The following CCNG2 variants were observed in gnomAD, a reference collection of about 807,000 sequenced individuals.
CCNG2 encodes cyclin-G2.
Under a neutral mutation model 36.5 loss-of-function variants are expected in CCNG2, and 20 were observed. That is an observed-to-expected ratio of 0.55 (90% CI 0.39 to 0.80). The LOEUF is 0.80. CCNG2 is among the 30% of genes least tolerant of loss of function. The probability of loss-of-function intolerance (pLI) is 0.00; values close to 1 mark genes in which losing one functional copy is unlikely to be tolerated. For synonymous variants in CCNG2, 155 were observed against 140.1 expected (o/e 1.11, Z -0.75); for missense variants, 358 against 390.8 (o/e 0.92, Z 0.71).
chr4:77,161,096 A>AC, intron 4 of CCNG2, 125 bp downstream of exon 4: 3 of 533,176 alleles, frequency 5.6e-6, no homozygotes, highest in Non-Finnish European at 5.9e-6. Context: ...TTTATTGGTA[A>AC]ATCTTTTTTT....
Position 77,168,800 on chromosome 4 carries a change from CTG to C in CCNG2, c.*2879_*2880del, listed in dbSNP as rs1310085657. 5 of 152,218 alleles carry C rather than the reference CTG, an allele frequency of 3.3e-5. No individual in the cohort carries two copies. Among genetic ancestry groups the C allele is most frequent in the Admixed American group, 6.5e-5 (1 of 15,284 alleles). The allele number at this position is 152,218 out of a possible 1,614,324, so 9.4% of individuals were successfully genotyped here. A position where few individuals can be genotyped will look rare whatever the true frequency, so the allele number is the denominator to read the frequency against. On this transcript the variant is annotated 3_prime_UTR_variant, in exon 8 of 8. Transcript: ENST00000316355. Reference sequence around the variant, plus strand: ...ATTCAACCAGGTGGCTTTCCCATGACTGTGATGAATAAAATTGAGAAGCCCCT... The same window carrying C: ...ATTCAACCAGGTGGCTTTCCCATGACTGATGAATAAAATTGAGAAGCCCCT...
At position 77,168,054 on chromosome 4, in the gene CCNG2, G is replaced by A. The variant is rs777230283; in HGVS notation, c.*2130G>A. The A allele has an allele frequency of 1.3e-5, 2 of 152,040 alleles. No individual in the cohort carries two copies. Among genetic ancestry groups the A allele is most frequent in the African/African-American group, 4.8e-5 (2 of 41,354 alleles). 9.4% of individuals were successfully genotyped at this position (152,040 alleles called of 1,614,324 possible). A position where few individuals can be genotyped will look rare whatever the true frequency, so the allele number is the denominator to read the frequency against. ...CCTGTGGTTTTCAGTGTATTTAGTC[G>A]AGACCTCTCTGCTGAGCTTGCAACC... On this transcript the variant is annotated 3_prime_UTR_variant, in exon 8 of 8. Transcript: ENST00000316355.
In CCNG2 at chr4:77,158,518, G is replaced by A. The variant is rs765416218; in HGVS notation, c.1-15G>A. On this transcript the variant is annotated splice_polypyrimidine_tract_variant and intron_variant, in intron 1 of 7. Transcript: ENST00000316355. Reference sequence around the variant, plus strand: ...ACCCCCAGATTACATTCTCTGTGTGGTGTCTTTACTGCAGATGAAGGATTT... The same window carrying A: ...ACCCCCAGATTACATTCTCTGTGTGATGTCTTTACTGCAGATGAAGGATTT... 1 of 1,614,058 alleles carries A rather than the reference G, an allele frequency of 6.2e-7. No homozygotes were observed. Among genetic ancestry groups the A allele is most frequent in the Non-Finnish European group, 8.5e-7 (1 of 1,179,940 alleles).
chr4:77,158,477 C>T, intron 1 of CCNG2, 56 bp from the exon 2 acceptor site: 1 of 1,595,182 alleles, frequency 6.3e-7, no homozygotes, highest in Non-Finnish European at 8.6e-7. Context: ...CTTTCTCCCG[C>T]TTCCCCACCC....
In CCNG2 at chr4:77,169,975, A is replaced by AT. The variant is rs1446937983; in HGVS notation, c.*4052dup. ...TTACAGGTGATGTTTTTTTTAAGTTATGCCTATCTGTAGTTTCCTTTTTTT... is the reference window on the plus strand; with the variant it reads ...TTACAGGTGATGTTTTTTTTAAGTTATTGCCTATCTGTAGTTTCCTTTTTTT... On this transcript the variant is annotated 3_prime_UTR_variant, in exon 8 of 8. Coordinates refer to ENST00000316355, the MANE Select transcript of CCNG2 (RefSeq NM_004354.3). 1 of 152,154 alleles carries AT rather than the reference A, an allele frequency of 6.6e-6. No individual in the cohort carries two copies. Among genetic ancestry groups the AT allele is most frequent in the Admixed American group, 6.5e-5 (1 of 15,274 alleles). The allele number at this position is 152,154 out of a possible 1,614,324, so 9.4% of individuals were successfully genotyped here. A position where few individuals can be genotyped will look rare whatever the true frequency, so the allele number is the denominator to read the frequency against.
At position 77,163,434 on chromosome 4, in the gene CCNG2, T is replaced by G. The variant is rs1306958768; in HGVS notation, c.706-840T>G. The stretch of plus-strand genomic sequence containing the variant: ...GAGAAGGAAGTGGTAGAAACCAGAT[T>G]ACAAGTGGGTTAGGATGTAGCTACA... On this transcript the variant is annotated intron_variant, in intron 6 of 7. Transcript: ENST00000316355. Among the ~76,000 whole-genome samples the G allele has an allele frequency of 2.6e-5, 4 of 152,298 alleles. No homozygotes were observed. The East Asian group carries it at 7.7e-4, about 29-fold the overall frequency.
rs1279887768 is a variant in CCNG2, at chr4:77,165,697, A to G, written c.912-104A>G. 2.3e-5 allele frequency: 22 copies of G among 949,146 alleles called. 1 individual carries two copies. Among genetic ancestry groups the G allele is most frequent in the Non-Finnish European group, 2.5e-5 (17 of 675,622 alleles). 58.8% of individuals were successfully genotyped at this position (949,146 alleles called of 1,614,324 possible). A position where few individuals can be genotyped will look rare whatever the true frequency, so the allele number is the denominator to read the frequency against. ...TCTCTGTAAAGCATAAATTTTGAAT[A>G]TAAAAATCCTCACTAGAGATATAGC... is the stretch of plus-strand genomic sequence containing the variant. On this transcript the variant is annotated intron_variant, in intron 7 of 7. Coordinates refer to ENST00000316355, the MANE Select transcript of CCNG2 (RefSeq NM_004354.3).
At chr4:77,159,757 A>G (rs531480363) in intron 3 of CCNG2, among the ~76,000 whole-genome samples, 1 of 152,228 alleles carries the variant, frequency 6.6e-6, no homozygotes, top group African/African-American at 2.4e-5. Flanking sequence ...AAGAGAGACT[A>G]CTATTTTTTA....
chr4:77,158,723 G>T, intron 2 of CCNG2, 53 bp downstream of exon 2: 1 of 1,596,890 alleles, frequency 6.3e-7, no homozygotes, highest in Non-Finnish European at 8.6e-7. Context: ...GCTTGGAGGA[G>T]GTAACCCCCC....
intron 6 of CCNG2, 29 bp from the exon 7 acceptor site, chr4:77,164,245 C>A: frequency 1.3e-6 from 2 of 1,559,838 alleles, no homozygotes; most frequent in South Asian, 2.2e-5. Context: ...GAGACATTGC[C>A]GTAACCTCTT....
rs563944268 is a variant in CCNG2, at chr4:77,166,003, G to GC, written c.*84dup. 261 of 1,375,558 alleles carry GC rather than the reference G, an allele frequency of 1.9e-4. 1 individual carries two copies. The highest frequency in any genetic ancestry group is 1.4e-3 in the African/African-American group (94 of 68,924). 85.2% of individuals were successfully genotyped at this position (1,375,558 alleles called of 1,614,324 possible). On this transcript the variant is annotated 3_prime_UTR_variant, in exon 8 of 8. Transcript: ENST00000316355. ...GGGGAATAGGTAGTTTCCTGGTTTA[G>GC]CCCCCATCTAGTCAGGAATTAATAT...
In CCNG2 at chr4:77,159,417, A is replaced by G; in HGVS notation, c.189A>G (p.Leu63=). 6.2e-7 allele frequency: 1 copy of G among 1,613,938 alleles called. No individual in the cohort carries two copies. The highest frequency in any genetic ancestry group is 8.5e-7 in the Non-Finnish European group (1 of 1,179,892). The change falls in exon 3 of 8, where the codon TTA becomes TTG. Residue 63 remains leucine (L), a synonymous_variant. Transcript: ENST00000316355. ...TGAGAAATGCCAAAGTTGAAGATTT[A>G]AGGAGTTTAGCCAACTTTTTTGGAT... The part of the protein sequence containing the change: ...PGLRNAKVED[L]RSLANFFGSC...
At chr4:77,161,345 A>G (rs767064427) in intron 4 of CCNG2, 135 bp from the exon 5 acceptor site, 28 of 645,946 alleles carry the variant, frequency 4.3e-5, no homozygotes, top group Non-Finnish European at 6.9e-5. Context: ...TAGGTGATCC[A>G]CCTGCTTCTG....
rs901495487 is a variant in CCNG2, at chr4:77,161,858, GT to G, written c.705+119del. 9.1e-5 allele frequency: 60 copies of G among 661,880 alleles called. 2 individuals carry two copies. In the South Asian group the frequency reaches 1.1e-3, roughly 13 times the overall value. The allele number at this position is 661,880 out of a possible 1,614,324, so 41.0% of individuals were successfully genotyped here. ...TATGGGACTCTTAACTTTTACACTT[GT>G]TTTTTTTCTTATATCTCTAGTGTTA... On this transcript the variant is annotated intron_variant, in intron 6 of 7. Transcript: ENST00000316355.
Position 77,158,580 on chromosome 4 carries a change from A to T in CCNG2, c.48A>T (p.Gln16His), listed in dbSNP as rs531415074. ...AEHLAGHEGV[Q>H]LLGLLNVYLE... The stretch of plus-strand genomic sequence containing the variant: ...ACTTGGCAGGTCATGAAGGGGTCCA[A>T]CTTCTCGGGTTGTTGAACGTCTACC... The change falls in exon 2 of 8, where the codon CAA (glutamine) becomes CAT (histidine). Residue 16 changes from glutamine (Q) to histidine (H), a missense_variant. Gln to His is a conservative substitution (Grantham distance 24, BLOSUM62 0). Coordinates refer to ENST00000316355, the MANE Select transcript of CCNG2 (RefSeq NM_004354.3). The T allele has an allele frequency of 6.2e-7, 1 of 1,614,086 alleles. No individual in the cohort carries two copies. Among genetic ancestry groups the T allele is most frequent in the Non-Finnish European group, 8.5e-7 (1 of 1,180,002 alleles).
chr4:77,161,831 T>C (rs556755231), intron 6 of CCNG2, 84 bp downstream of exon 6: 1 of 770,292 alleles, frequency 1.3e-6, no homozygotes, highest in Non-Finnish European at 2.1e-6. Flanking sequence ...TAAGTAATAC[T>C]TTATGGGACT....
At position 77,160,727 on chromosome 4, in the gene CCNG2, C is replaced by A. The variant is rs771438074; in HGVS notation, c.283C>A (p.Pro95Thr). The change falls in exon 4 of 8, where the codon CCT becomes ACT. Residue 95 changes from proline (P) to threonine (T), a missense_variant. Transcript: ENST00000316355. Reference protein sequence around the residue: ...DRFLALMKVKPKHLSCIGVCS... With the variant: ...DRFLALMKVKTKHLSCIGVCS... The stretch of plus-strand genomic sequence containing the variant: ...CCTCTTGTTTTTTTCTCAGGTGAAA[C>A]CTAAACATTTGTCTTGCATTGGAGT... 6.2e-7 allele frequency: 1 copy of A among 1,611,520 alleles called. No homozygotes were observed. Among genetic ancestry groups the A allele is most frequent in the Non-Finnish European group, 8.5e-7 (1 of 1,179,194 alleles).
At chr4:77,161,212 C>T (rs1200477654) in intron 4 of CCNG2, among the ~76,000 whole-genome samples, 2 of 148,826 alleles carry the variant, frequency 1.3e-5, no homozygotes, top group African/African-American at 2.5e-5. Flanking sequence ...AAGCGATTCT[C>T]CTGCGTCAGC....
intron 1 of CCNG2, chr4:77,158,320 G>A (rs1264316714): frequency 1.8e-6 from 1 of 563,324 alleles, no homozygotes; most frequent in Non-Finnish European, 3.2e-6. Flanking sequence ...GCTGGCCGGC[G>A]GACCTGACCA....
Sources: gnomAD v4.1 joint callset for allele counts (sites outside exome capture counted in the v4.1 genomes callset) on GRCh38, gnomAD v4.1.1 for gene constraint, MANE v1.5 for transcripts, NCBI Gene and HGNC (gene_info 2026-07-23, HGNC 2026-07-21) for gene names.